The following NCAPD2 variants were observed in gnomAD, a reference collection of about 807,000 sequenced individuals.
NCAPD2 encodes the protein non-SMC condensin I complex subunit D2.
Under a neutral mutation model 164.5 loss-of-function variants are expected in NCAPD2, and 100 were observed. The observed-to-expected ratio is 0.61, with a 90% CI of 0.52 to 0.72. NCAPD2 has a LOEUF of 0.72. Among genes scored for constraint, NCAPD2 ranks in the 30% least tolerant of loss-of-function variants. The pLI is 0.00. For synonymous variants in NCAPD2, 585 were observed against 642.6 expected (o/e 0.91, Z 1.36); for missense variants, 1,560 against 1,749.2 (o/e 0.89, Z 1.93).
chr12:6,520,802 A>G, intron 13 of NCAPD2, among the ~76,000 whole-genome samples, 184 bp from the exon 14 acceptor site: 1 of 152,196 alleles, frequency 6.6e-6, no homozygotes, highest in East Asian at 1.9e-4. Context: ...GTCAGGGGAA[A>G]AAAATAGGCA....
chr12:6,512,599 C>G (rs1008775923), intron 6 of NCAPD2, among the ~76,000 whole-genome samples: 2 of 152,168 alleles, frequency 1.3e-5, no homozygotes, highest in African/African-American at 2.4e-5. Flanking sequence ...TGTGGGCCAT[C>G]ATGGTGACTT....
chr12:6,530,894 T>A (rs771983526), intron 30 of NCAPD2, 27 bp from the exon 31 acceptor site: 1 of 1,613,080 alleles, frequency 6.2e-7, no homozygotes, highest in Non-Finnish European at 8.5e-7. Context: ...TCTTCTTTTT[T>A]AAATCACGTT....
chr12:6,523,091 C>T (rs1592175457), intron 16 of NCAPD2, 89 bp downstream of exon 16: 5 of 1,532,282 alleles, frequency 3.3e-6, no homozygotes, highest in East Asian at 2.3e-5. Context: ...AGGTGCATTT[C>T]TCCAGGGGAG....
At position 6,525,751 on chromosome 12, in the gene NCAPD2, G is replaced by T. The variant is rs772985390; in HGVS notation, c.2348+35G>T. Reference sequence around the variant, plus strand: ...AAATCTAGCAGGCAATGGGGTGGGAGAGCAAAGGAAGGTTCTGAGAGGGCT... The same window carrying T: ...AAATCTAGCAGGCAATGGGGTGGGATAGCAAAGGAAGGTTCTGAGAGGGCT... On this transcript the variant is annotated intron_variant, in intron 18 of 31. Transcript: ENST00000315579. The T allele has an allele frequency of 7.5e-6, 12 of 1,606,940 alleles. No individual in the cohort carries two copies. In the South Asian group the frequency reaches 1.2e-4, roughly 16 times the overall value.
chr12:6,511,759 A>C (rs759927945), intron 6 of NCAPD2, among the ~76,000 whole-genome samples: 53 of 151,866 alleles, frequency 3.5e-4, no homozygotes, highest in Non-Finnish European at 5.3e-4. Context: ...AGGCGAGTGG[A>C]TCACCTGAGG....
chr12:6,510,346 A>T, intron 4 of NCAPD2: 1 of 783,408 alleles, frequency 1.3e-6, no homozygotes, highest in Non-Finnish European at 2.3e-6. Context: ...CTGTAAGGGC[A>T]GACCAACAAG....
intron 13 of NCAPD2, among the ~76,000 whole-genome samples, chr12:6,519,587 C>T (rs1458451867): frequency 6.6e-6 from 1 of 152,044 alleles, no homozygotes; most frequent in African/African-American, 2.4e-5. Context: ...AAGAAGATAA[C>T]ATGTAGACAA....
At position 6,528,348 on chromosome 12, in the gene NCAPD2, G is replaced by A. The variant is rs375555306; in HGVS notation, c.3299+20G>A. 136 of 1,612,968 alleles carry A rather than the reference G, an allele frequency of 8.4e-5. No individual in the cohort carries two copies. Among genetic ancestry groups the A allele is most frequent in the South Asian group, 4.4e-5 (4 of 91,046 alleles). On this transcript the variant is annotated intron_variant, in intron 25 of 31. Coordinates refer to ENST00000315579, the MANE Select transcript of NCAPD2 (RefSeq NM_014865.4). This position sits in a 1 kb window ranked among gnomAD's most constrained non-coding sequence, Gnocchi z 5.1. ...TGCTCGGTAAGAGACCCCTCACAACGTGGTGGCAGTTCCCAGGAGCCCCGG... is the reference window on the plus strand; with the variant it reads ...TGCTCGGTAAGAGACCCCTCACAACATGGTGGCAGTTCCCAGGAGCCCCGG...
rs1282453607 is a variant in NCAPD2 at position 6,509,745 on chromosome 12, G to T, written c.156G>T (p.Gly52=). The change falls in exon 3 of 32, where the codon GGG becomes GGT. Residue 52 remains glycine (G), a synonymous_variant. Transcript: ENST00000315579. ...RAFQAAFRAQ[G]PLAMLQHFDT... The stretch of plus-strand genomic sequence containing the variant: ...TTCAGGCTGCCTTTCGAGCTCAGGG[G>T]CCCCTGGCTATGCTGCAGCACTTTG... 1.2e-6 allele frequency: 2 copies of T among 1,613,792 alleles called. No homozygotes were observed. The highest frequency in any genetic ancestry group is 8.5e-7 in the Non-Finnish European group (1 of 1,179,964).
rs765186777 is a variant in NCAPD2 at position 6,521,050 on chromosome 12, A to G, written c.1654A>G (p.Ile552Val). Residue 552 changes from isoleucine to valine, a missense_variant, in exon 14 of 32, where the codon ATA becomes GTA. Coordinates refer to ENST00000315579, the MANE Select transcript of NCAPD2 (RefSeq NM_014865.4). ...CCAGGAGTCCGAACCCTTCAGTCAT[A>G]TAGACCCAGAGGAGTCAGAGGAGAC... ...HFQESEPFSH[I>V]DPEESEETRL... 1 of 1,614,200 alleles carries G rather than the reference A, an allele frequency of 6.2e-7. No individual in the cohort carries two copies. The highest frequency in any genetic ancestry group is 8.5e-7 in the Non-Finnish European group (1 of 1,180,002).
rs1405098549 is a variant in NCAPD2, at chr12:6,526,536, C to G, written c.2655C>G (p.Ile885Met). The G allele has an allele frequency of 1.9e-6, 3 of 1,614,086 alleles. No homozygotes were observed. The highest frequency in any genetic ancestry group is 2.5e-6 in the Non-Finnish European group (3 of 1,180,044). Residue 885 changes from isoleucine to methionine, a missense_variant, in exon 21 of 32, where the codon ATC becomes ATG. Physicochemically the swap from Ile to Met is conservative, Grantham distance 10 (BLOSUM62 1). Transcript: ENST00000315579. ...IYQLAEGPEV[I>M]CAQILQGCAK... ...AACTGGCAGAGGGCCCCGAAGTGAT[C>G]TGTGCCCAGATATTGCAGGGCTGTG...
At chr12:6,522,075 G>A in intron 15 of NCAPD2, 38 bp downstream of exon 15, 1 of 1,579,350 alleles carries the variant, frequency 6.3e-7, no homozygotes, top group Non-Finnish European at 8.6e-7. Context: ...CAGCCTTGGG[G>A]TTCTTTTGGA....
rs765494865 is a variant in NCAPD2, at chr12:6,526,131, G to A, written c.2412G>A (p.Lys804=). 7 of 1,614,146 alleles carry A rather than the reference G, an allele frequency of 4.3e-6. No individual in the cohort carries two copies. The East Asian group carries it at 1.1e-4, about 26-fold the overall frequency. The change falls in exon 19 of 32, where the codon AAG becomes AAA. Residue 804 remains lysine, a synonymous_variant. Coordinates refer to ENST00000315579, the MANE Select transcript of NCAPD2 (RefSeq NM_014865.4). The part of the protein sequence containing the change: ...DTLVSIGLDE[K]FPQDYRLAQQ... Reference sequence around the variant, plus strand: ...TGGTGAGCATAGGGCTGGATGAGAAGTTTCCACAGGACTACAGGCTGGCCC... The same window carrying A: ...TGGTGAGCATAGGGCTGGATGAGAAATTTCCACAGGACTACAGGCTGGCCC...
At position 6,507,318 on chromosome 12, in the gene NCAPD2, T is replaced by C. The variant is rs140389304; in HGVS notation, c.128-2399T>C. Among the ~76,000 whole-genome samples the C allele has an allele frequency of 2.0e-3, 300 of 152,314 alleles. 1 individual carries two copies. The highest frequency in any genetic ancestry group is 6.8e-3 in the African/African-American group (282 of 41,578). ...GGAACAAAAATGAAGGGAGGCTGGGTGCAGTGGCCCATGCCTTTAATCCGA... is the reference window on the plus strand; with the variant it reads ...GGAACAAAAATGAAGGGAGGCTGGGCGCAGTGGCCCATGCCTTTAATCCGA... On this transcript the variant is annotated intron_variant, in intron 2 of 31. Coordinates refer to ENST00000315579, the MANE Select transcript of NCAPD2 (RefSeq NM_014865.4).
At chr12:6,523,175 G>C (rs1946281011) in intron 16 of NCAPD2, 87 bp from the exon 17 acceptor site, 6 of 1,479,384 alleles carry the variant, frequency 4.1e-6, no homozygotes, top group Non-Finnish European at 5.6e-6. Flanking sequence ...CAGTTTTGTA[G>C]CACTGTGGTG....
At chr12:6,495,294 G>A in intron 2 of NCAPD2, 69 bp downstream of exon 2, 5 of 1,566,314 alleles carry the variant, frequency 3.2e-6, no homozygotes, top group Non-Finnish European at 4.4e-6. Context: ...TTGCTACATT[G>A]TCATTTCTGT....
intron 18 of NCAPD2, 107 bp downstream of exon 18, chr12:6,525,823 G>C: frequency 1.4e-6 from 2 of 1,462,616 alleles, no homozygotes; most frequent in Non-Finnish European, 1.8e-6. Flanking sequence ...ACTGAGCTCT[G>C]CTGTGAGTTA....
At chr12:6,524,144 A>C (rs1448909569) in intron 17 of NCAPD2, among the ~76,000 whole-genome samples, 1 of 152,200 alleles carries the variant, frequency 6.6e-6, no homozygotes, top group Non-Finnish European at 1.5e-5. Flanking sequence ...TCTGTGTTCT[A>C]CTGAGGGATA....
chr12:6,517,958 A>G lies in NCAPD2; in HGVS notation c.1588A>G (p.Lys530Glu). The G allele has an allele frequency of 6.2e-7, 1 of 1,613,184 alleles. No homozygotes were observed. Among genetic ancestry groups the G allele is most frequent in the Non-Finnish European group, 8.5e-7 (1 of 1,179,766 alleles). The change falls in exon 13 of 32, where the codon AAA becomes GAA. Residue 530 changes from lysine to glutamate, a missense_variant and splice_region_variant. By Grantham distance (56) the Lys-to-Glu change is moderately conservative (BLOSUM62 1). Transcript: ENST00000315579. ...IYQLLAKASY[K>E]KAIILTREAT... is the part of the protein sequence containing the mutation. ...TCAACTGCTTGCCAAAGCTAGTTAC[A>G]AGTAGGCAAAAGAATGGGATATTCT...
Sources: gnomAD v4.1 joint callset for allele counts (sites outside exome capture counted in the v4.1 genomes callset) on GRCh38, gnomAD v4.1.1 for gene constraint, Gnocchi (gnomAD v3.1) non-coding constraint, MANE v1.5 for transcripts, NCBI Gene and HGNC (gene_info 2026-07-23, HGNC 2026-07-21) for gene names.